The following TCOF1 variants were observed in gnomAD, a reference collection of about 807,000 sequenced individuals.
TCOF1 encodes the protein treacle protein.
In TCOF1, 33 loss-of-function variants were observed where a neutral mutation model predicts 149.0. The ratio of observed to expected loss-of-function variants is 0.22; its 90% CI spans 0.17 to 0.30. The LOEUF (loss-of-function observed/expected upper bound fraction) is 0.30. TCOF1 is among the 10% of genes least tolerant of loss of function. TCOF1 has a pLI of 1.00. For missense variants in TCOF1, 1,728 were observed against 1,840.7 expected (o/e 0.94, Z 1.12); for synonymous variants, 789 against 738.8 (o/e 1.07, Z -1.10).
At chr5:150,382,921 ATCCC>A in intron 17 of TCOF1, 2 of 634,878 alleles carry the variant, frequency 3.2e-6, no homozygotes. Context: ...GCCAGCAGGT[ATCCC>A]TGTGCATGTG....
In TCOF1 at chr5:150,357,736, G is replaced by C; in HGVS notation, c.-11G>C. The C allele has an allele frequency of 6.5e-7, 1 of 1,547,830 alleles. No homozygotes were observed. ...GGCGTGCAGGTAGCCGGCCGGCCGG[G>C]GGTCGCGGGTATGGCCGAGGCCAGG... On this transcript the variant is annotated 5_prime_UTR_variant, in exon 1 of 27. Coordinates refer to ENST00000643257, the MANE Select transcript of TCOF1 (RefSeq NM_001371623.1).
chr5:150,366,001 G>GT (rs1385142254), intron 3 of TCOF1, among the ~76,000 whole-genome samples: 2 of 151,374 alleles, frequency 1.3e-5, no homozygotes, highest in Non-Finnish European at 2.9e-5. Flanking sequence ...TGTGCTTGTA[G>GT]TTTCAGCTGC....
chr5:150,391,690 CGGAGCG>C, intron 20 of TCOF1, 33 bp downstream of exon 20: 1 of 1,589,982 alleles, frequency 6.3e-7, no homozygotes, highest in Non-Finnish European at 8.6e-7. Flanking sequence ...AGCAAGCCCA[CGGAGCG>C]TAGAAGGTGC....
At chr5:150,367,044 G>A (rs566182125) in intron 3 of TCOF1, among the ~76,000 whole-genome samples, 88 of 151,760 alleles carry the variant, frequency 5.8e-4, no homozygotes, top group Admixed American at 5.8e-3. Flanking sequence ...GGTGGCTCAT[G>A]CCTGTAATCC....
intron 22 of TCOF1, chr5:150,393,093 CT>C: frequency 3.4e-6 from 2 of 589,350 alleles, no homozygotes; most frequent in Non-Finnish European, 3.0e-6. Context: ...AGGTTACTAT[CT>C]GTATGTGGCA....
At chr5:150,364,027 G>A in intron 2 of TCOF1, 86 bp from the exon 3 acceptor site, 1 of 1,598,458 alleles carries the variant, frequency 6.3e-7, no homozygotes, top group East Asian at 2.2e-5. Flanking sequence ...TTAAGAGCTG[G>A]AAGGATGCGG....
chr5:150,357,915 G>C (rs560321234), intron 1 of TCOF1, 61 bp downstream of exon 1: 1 of 1,519,916 alleles, frequency 6.6e-7, no homozygotes, highest in East Asian at 2.5e-5. Flanking sequence ...AGCGGCCCGC[G>C]GCCCGCGCCC....
intron 17 of TCOF1, chr5:150,383,180 A>C (rs1231132125): frequency 6.5e-7 from 1 of 1,533,918 alleles, no homozygotes; most frequent in African/African-American, 1.4e-5. Context: ...CAGGTGCGCC[A>C]TGCCTTCTCT....
At position 150,364,426 on chromosome 5, in the gene TCOF1, A is replaced by G. The variant is rs145732891; in HGVS notation, c.304+174A>G. Among the ~76,000 whole-genome samples, 118 of 152,298 alleles carry G rather than the reference A, an allele frequency of 7.7e-4. 1 individual carries two copies. In the East Asian group the frequency reaches 0.011, roughly 14 times the overall value. Reference sequence around the variant, plus strand: ...GAGCCCTTCCTCCGTGCCAGGCATTATATCTCCATGCTCTGGGGGTGCAAG... The same window carrying G: ...GAGCCCTTCCTCCGTGCCAGGCATTGTATCTCCATGCTCTGGGGGTGCAAG... On this transcript the variant is annotated intron_variant, in intron 3 of 26. Coordinates refer to ENST00000643257, the MANE Select transcript of TCOF1 (RefSeq NM_001371623.1).
intron 18 of TCOF1, among the ~76,000 whole-genome samples, chr5:150,389,622 G>C (rs1294371470): frequency 6.6e-6 from 1 of 152,256 alleles, no homozygotes; most frequent in Non-Finnish European, 1.5e-5. Flanking sequence ...AGGAGTGGCA[G>C]CCCGACCAGT....
chr5:150,379,236 C>T lies in TCOF1; in HGVS notation c.2486C>T (p.Pro829Leu). The change falls in exon 16 of 27, where the codon CCA (proline) becomes CTA (leucine). Residue 829 changes from proline (P) to leucine (L), a missense_variant. Coordinates refer to ENST00000643257, the MANE Select transcript of TCOF1 (RefSeq NM_001371623.1). ...AKQRSPSKVK[P>L]PVRNPQNSTV... The stretch of plus-strand genomic sequence containing the variant: ...TATCCCCCTGCAATTCAGGTGAAGC[C>T]ACCAGTGAGAAACCCCCAGAACAGT... 6.2e-7 allele frequency: 1 copy of T among 1,614,200 alleles called. No individual in the cohort carries two copies. Among genetic ancestry groups the T allele is most frequent in the African/African-American group, 1.3e-5 (1 of 75,048 alleles).
At chr5:150,391,686 C>T (rs1273607179) in intron 20 of TCOF1, 29 bp downstream of exon 20, 1 of 1,595,074 alleles carries the variant, frequency 6.3e-7, no homozygotes, top group Non-Finnish European at 8.6e-7. Context: ...GGGAAGCAAG[C>T]CCACGGAGCG....
chr5:150,365,852 C>T (rs1761220676), intron 3 of TCOF1, among the ~76,000 whole-genome samples: 1 of 150,450 alleles, frequency 6.6e-6, no homozygotes, highest in Admixed American at 6.6e-5. Context: ...CATGGTGGCT[C>T]ACACCCACCG....
intron 23 of TCOF1, 66 bp downstream of exon 23, chr5:150,393,618 G>A: frequency 1.9e-6 from 3 of 1,601,542 alleles, no homozygotes; most frequent in South Asian, 2.2e-5. Context: ...GCCCCTTCTT[G>A]CCCTCCTGTA....
At chr5:150,381,601 T>C (rs1765197821) in intron 17 of TCOF1, among the ~76,000 whole-genome samples, 1 of 152,250 alleles carries the variant, frequency 6.6e-6, no homozygotes. Flanking sequence ...TTGTTACTGG[T>C]AGATTTATGG....
rs775292625 is a variant in TCOF1, at chr5:150,357,722, A to AGCCG, written c.-15_-12dup. The AGCCG allele has an allele frequency of 1.1e-5, 17 of 1,536,824 alleles. No individual in the cohort carries two copies. Among genetic ancestry groups the AGCCG allele is most frequent in the East Asian group, 2.5e-5 (1 of 40,728 alleles). On this transcript the variant is annotated 5_prime_UTR_variant, in exon 1 of 27. Coordinates refer to ENST00000643257, the MANE Select transcript of TCOF1 (RefSeq NM_001371623.1). ...GGGGACTAAGGCGGGGCGTGCAGGT[A>AGCCG]GCCGGCCGGCCGGGGGTCGCGGGTA...
At position 150,398,334 on chromosome 5, in the gene TCOF1, C is replaced by T. The variant is rs917570744; in HGVS notation, c.4346-20C>T. The T allele has an allele frequency of 1.2e-6, 2 of 1,612,992 alleles. No homozygotes were observed. Among genetic ancestry groups the T allele is most frequent in the Non-Finnish European group, 1.7e-6 (2 of 1,179,774 alleles). On this transcript the variant is annotated intron_variant, in intron 24 of 26. Transcript: ENST00000643257. ...AGGATTACCATCTGTTGTTCAGGAA[C>T]TTTACTTTACTTCCCTTAGGAAAAA...
Position 150,374,294 on chromosome 5 carries a change from A to G in TCOF1, c.991A>G (p.Lys331Glu). ...GGCAGGGGCTGTAGCCTCCCAGACC[A>G]AGGCAGGGAAGCCAGAGGAGGACTC... ...GKAGAVASQT[K>E]AGKPEEDSES... The change falls in exon 8 of 27, where the codon AAG becomes GAG. Residue 331 changes from lysine (K) to glutamate (E), a missense_variant. Transcript: ENST00000643257. 1 of 1,589,304 alleles carries G rather than the reference A, an allele frequency of 6.3e-7. No homozygotes were observed. Among genetic ancestry groups the G allele is most frequent in the Non-Finnish European group, 8.6e-7 (1 of 1,167,320 alleles).
At chr5:150,377,444 T>C (rs1424272338) in intron 14 of TCOF1, among the ~76,000 whole-genome samples, 1 of 152,224 alleles carries the variant, frequency 6.6e-6, no homozygotes, top group Non-Finnish European at 1.5e-5. Flanking sequence ...GAGTGAGGTC[T>C]CCAAGCCTGG....
Sources: gnomAD v4.1 joint callset for allele counts (sites outside exome capture counted in the v4.1 genomes callset) on GRCh38, gnomAD v4.1.1 for gene constraint, MANE v1.5 for transcripts, NCBI Gene and HGNC (gene_info 2026-07-23, HGNC 2026-07-21) for gene names.